XPO4: variants seen among roughly 807,000 people sequenced by gnomAD.
The protein encoded by XPO4 is exportin 4.
In XPO4, 39 loss-of-function variants were observed where a neutral mutation model predicts 143.0. The ratio of observed to expected loss-of-function variants is 0.27; its 90% CI spans 0.21 to 0.36. The LOEUF (loss-of-function observed/expected upper bound fraction) is 0.36, where lower values mean the gene tolerates loss of function less well. Ranked by LOEUF, XPO4 falls within the 10% of genes least tolerant of loss-of-function variation. The pLI, the probability that XPO4 is intolerant of heterozygous loss-of-function variation, is 1.00. For synonymous variants in XPO4, 439 were observed against 474.0 expected (o/e 0.93, Z 0.96); for missense variants, 907 against 1,348.0 (o/e 0.67, Z 5.12).
intron 18 of XPO4, among the ~76,000 whole-genome samples, chr13:20,794,527 T>G (rs570198665): frequency 2.0e-5 from 3 of 152,140 alleles, no homozygotes; most frequent in Non-Finnish European, 4.4e-5. Flanking sequence ...GGAAAATGTA[T>G]AGAAGAGTTT....
intron 4 of XPO4, chr13:20,848,526 A>AT: frequency 2.0e-6 from 2 of 985,356 alleles, no homozygotes; most frequent in Non-Finnish European, 2.4e-6. Context: ...TAGCAGCTGT[A>AT]TTTTTTATCA....
chr13:20,894,908 T>C (rs992155954), intron 1 of XPO4, among the ~76,000 whole-genome samples: 2 of 150,536 alleles, frequency 1.3e-5, no homozygotes, highest in African/African-American at 4.9e-5. Flanking sequence ...CTGGGTGTGG[T>C]ATCTCACGCC....
chr13:20,808,401 G>A, intron 12 of XPO4, 35 bp downstream of exon 12: 1 of 1,491,070 alleles, frequency 6.7e-7, no homozygotes, highest in Non-Finnish European at 9.1e-7. Context: ...TTGCTCAGTT[G>A]GCAATTACAT....
intron 1 of XPO4, among the ~76,000 whole-genome samples, chr13:20,892,343 C>T (rs2060526262): frequency 6.6e-6 from 1 of 152,172 alleles, no homozygotes. Flanking sequence ...CCGCTTCAGC[C>T]TCCCAAAGTG....
At chr13:20,838,759 A>C (rs886382534) in intron 6 of XPO4, among the ~76,000 whole-genome samples, 11 of 152,146 alleles carry the variant, frequency 7.2e-5, no homozygotes, top group Non-Finnish European at 1.6e-4. Flanking sequence ...AGAGAAATGA[A>C]ACCCTAAGCC....
chr13:20,836,589 A>G (rs2059919424), intron 6 of XPO4, among the ~76,000 whole-genome samples: 1 of 152,124 alleles, frequency 6.6e-6, no homozygotes, highest in Non-Finnish European at 1.5e-5. Flanking sequence ...ATCTCCCTCT[A>G]TAATTCTACT....
chr13:20,779,563 G>A lies in XPO4; in HGVS notation c.*4159C>T, dbSNP rs951444433. The A allele has an allele frequency of 2.0e-5, 3 of 152,400 alleles. No homozygotes were observed. The highest frequency in any genetic ancestry group is 4.4e-5 in the Non-Finnish European group (3 of 68,018). The allele number at this position is 152,400 out of a possible 1,614,324, so 9.4% of individuals were successfully genotyped here. A position where few individuals can be genotyped will look rare whatever the true frequency, so the allele number is the denominator to read the frequency against. ...GATCAAACCACAGTGGGAGAGGAGG[G>A]TAAAGATGTGAGCTTCAAGCGGGTA... On this transcript the variant is annotated 3_prime_UTR_variant, in exon 23 of 23. Transcript: ENST00000255305.
intron 12 of XPO4, 118 bp from the exon 13 acceptor site, chr13:20,807,752 G>T: frequency 1.3e-6 from 1 of 784,848 alleles, no homozygotes; most frequent in Non-Finnish European, 1.8e-6. Context: ...AATTATAAAT[G>T]TTAACCTGTT....
At chr13:20,833,671 C>T (rs2059879666) in intron 6 of XPO4, among the ~76,000 whole-genome samples, 1 of 149,598 alleles carries the variant, frequency 6.7e-6, no homozygotes, top group African/African-American at 2.4e-5. Context: ...TGAAAAATTA[C>T]AGCTGAGAAG....
chr13:20,867,873 A>C (rs1197315419), intron 2 of XPO4, among the ~76,000 whole-genome samples: 1 of 152,200 alleles, frequency 6.6e-6, no homozygotes, highest in African/African-American at 2.4e-5. Flanking sequence ...AGCCAGCAGT[A>C]ATCAGCTTAT....
chr13:20,850,608 T>A (rs1423902912), intron 4 of XPO4, among the ~76,000 whole-genome samples: 3 of 151,930 alleles, frequency 2.0e-5, no homozygotes, highest in African/African-American at 4.8e-5. Context: ...TACAAAAAAA[T>A]TTTAAAATTA....
chr13:20,791,522 T>C (rs2059279863), intron 18 of XPO4, among the ~76,000 whole-genome samples: 1 of 152,100 alleles, frequency 6.6e-6, no homozygotes, highest in African/African-American at 2.4e-5. Context: ...CACATAACCA[T>C]TAAAAATATC....
rs142362595 is a variant in XPO4, at chr13:20,866,241, CCACA to C, written c.175+2351_175+2354del. 82 of 948,482 alleles carry C rather than the reference CCACA, an allele frequency of 8.6e-5. No homozygotes were observed. In the African/African-American group the frequency reaches 1.2e-3, roughly 14 times the overall value. The allele number at this position is 948,482 out of a possible 1,614,324, so 58.8% of individuals were successfully genotyped here. A position where few individuals can be genotyped will look rare whatever the true frequency, so the allele number is the denominator to read the frequency against. On this transcript the variant is annotated intron_variant, in intron 2 of 22. Coordinates refer to ENST00000255305, the MANE Select transcript of XPO4 (RefSeq NM_022459.5). ...CATGCCACATGCATGCACAGATACA[CCACA>C]CACACACACAGAAAAGAGCAAAGAA...
chr13:20,853,295 C>T (rs35438583), intron 4 of XPO4, among the ~76,000 whole-genome samples: 5,454 of 139,622 alleles, frequency 0.039, 217 homozygotes, highest in African/African-American at 0.1. Context: ...CATATCACTG[C>T]ACTCCACAGA....
chr13:20,803,183 A>C lies in XPO4; in HGVS notation c.1818-2193T>G, dbSNP rs149790553. 4.0e-3 allele frequency among the ~76,000 whole-genome samples: 605 copies of C among 152,332 alleles called. 3 individuals are homozygous for C. The highest frequency in any genetic ancestry group is 0.014 in the African/African-American group (574 of 41,586). On this transcript the variant is annotated intron_variant, in intron 13 of 22. Coordinates refer to ENST00000255305, the MANE Select transcript of XPO4 (RefSeq NM_022459.5). The surrounding 1 kb of genome is among the most constrained non-coding windows in gnomAD (Gnocchi z 4.1). ...CCAAAAATCACAGAGATCTACCAAC[A>C]AAAATTATTTTTAATCATCTCTTGG...
chr13:20,787,769 G>A (rs1380774203), intron 20 of XPO4, among the ~76,000 whole-genome samples, 171 bp from the exon 21 acceptor site: 1 of 152,226 alleles, frequency 6.6e-6, no homozygotes, highest in African/African-American at 2.4e-5. Context: ...AAGATTTCCA[G>A]TGTTTTTCAG....
In XPO4 at chr13:20,779,141, A is replaced by T. The variant is rs920686580; in HGVS notation, c.*4581T>A. Reference sequence around the variant, plus strand: ...TGAAAAGTCTTAGTGTAAGTTTAAAATTTTAATATTTATAAATTTAAAAAA... The same window carrying T: ...TGAAAAGTCTTAGTGTAAGTTTAAATTTTTAATATTTATAAATTTAAAAAA... On this transcript the variant is annotated 3_prime_UTR_variant, in exon 23 of 23. Transcript: ENST00000255305. The T allele has an allele frequency of 2.0e-5, 3 of 152,290 alleles. No homozygotes were observed. The highest frequency in any genetic ancestry group is 6.5e-5 in the Admixed American group (1 of 15,296). 9.4% of individuals were successfully genotyped at this position (152,290 alleles called of 1,614,324 possible).
In XPO4 at chr13:20,884,009, G is replaced by A. The variant is rs535045505; in HGVS notation, c.70-15308C>T. ...TTGAACTCCCAACCTCAGGTGATCC[G>A]CATGCCTCAGCCTCCTGAAGTGCTG... On this transcript the variant is annotated intron_variant, in intron 1 of 22. Coordinates refer to ENST00000255305, the MANE Select transcript of XPO4 (RefSeq NM_022459.5). 3.9e-5 allele frequency among the ~76,000 whole-genome samples: 6 copies of A among 152,150 alleles called. No individual in the cohort carries two copies. In the East Asian group the frequency reaches 5.8e-4, roughly 15 times the overall value.
intron 13 of XPO4, among the ~76,000 whole-genome samples, chr13:20,804,155 C>A (rs962947498): frequency 2.7e-5 from 4 of 149,828 alleles, no homozygotes; most frequent in Non-Finnish European, 5.9e-5. Flanking sequence ...TATATACACA[C>A]AATATATATA....
Sources: allele counts gnomAD v4.1 joint callset (sites outside exome capture counted in the v4.1 genomes callset), GRCh38; gene constraint gnomAD v4.1.1; non-coding constraint Gnocchi (gnomAD v3.1); transcripts MANE v1.5; gene names NCBI Gene and HGNC (gene_info 2026-07-23, HGNC 2026-07-21).